TMEM62: variants seen among roughly 807,000 people sequenced by gnomAD.
TMEM62 encodes the protein transmembrane protein 62.
Under a neutral mutation model 70.4 loss-of-function variants are expected in TMEM62, and 41 were observed. That is an observed-to-expected ratio of 0.58 (90% CI 0.45 to 0.76). The LOEUF is 0.76. TMEM62 is among the 30% of genes least tolerant of loss of function. The pLI, the probability that TMEM62 is intolerant of heterozygous loss-of-function variation, is 0.00. For synonymous variants in TMEM62, 268 were observed against 291.0 expected, an observed-to-expected ratio of 0.92 and a Z score of 0.80; for missense variants, 688 against 788.5, an observed-to-expected ratio of 0.87 and a Z score of 1.53.
chr15:43,140,733 C>T (rs771001670), intron 4 of TMEM62, among the ~76,000 whole-genome samples: 6 of 152,136 alleles, frequency 3.9e-5, no homozygotes, highest in African/African-American at 1.2e-4. Flanking sequence ...GAAACTCTGC[C>T]GGAAGAGCTG....
In TMEM62 at chr15:43,156,956, A is replaced by G. The variant is rs563767892; in HGVS notation, c.1182+2125A>G. On this transcript the variant is annotated intron_variant, in intron 9 of 13. Transcript: ENST00000260403. ...ATCTGTTTTCTGTTTTCTTATATGT[A>G]TAACTTTAAACAACCTACTGAGTAT... 2.6e-5 allele frequency among the ~76,000 whole-genome samples: 4 copies of G among 152,232 alleles called. No homozygotes were observed. The South Asian group carries it at 8.3e-4, about 32-fold the overall frequency.
At chr15:43,168,482 T>C (rs2039833529) in intron 10 of TMEM62, among the ~76,000 whole-genome samples, 1 of 152,174 alleles carries the variant, frequency 6.6e-6, no homozygotes, top group Non-Finnish European at 1.5e-5. Context: ...GCAGGTTTTC[T>C]TCTGGCCCAG....
chr15:43,149,891 T>G (rs1340659315), intron 7 of TMEM62, among the ~76,000 whole-genome samples: 1 of 152,250 alleles, frequency 6.6e-6, no homozygotes, highest in Non-Finnish European at 1.5e-5. Context: ...TTGGCTTTTT[T>G]AAGGTTAAAG....
At position 43,151,319 on chromosome 15, in the gene TMEM62, G is replaced by GAAAAAAAAAA. The variant is rs896405823; in HGVS notation, c.867-462_867-453dup. 5.9e-3 allele frequency among the ~76,000 whole-genome samples: 317 copies of GAAAAAAAAAA among 53,322 alleles called. 1 individual carries two copies. Among genetic ancestry groups the GAAAAAAAAAA allele is most frequent in the African/African-American group, 0.017 (293 of 17,494 alleles). 35.0% of individuals were successfully genotyped at this position (53,322 alleles called of 152,430 possible). A position where few individuals can be genotyped will look rare whatever the true frequency, so the allele number is the denominator to read the frequency against. On this transcript the variant is annotated intron_variant, in intron 7 of 13. Coordinates refer to ENST00000260403, the MANE Select transcript of TMEM62 (RefSeq NM_024956.4). Reference sequence around the variant, plus strand: ...GAGTGAGACTCCATCTCAAAAATAAGAAAAAAAAAAAAAAAAAAGAAAGAA... The same window carrying GAAAAAAAAAA: ...GAGTGAGACTCCATCTCAAAAATAAGAAAAAAAAAAAAAAAAAAAAAAAAAAAAGAAAGAA...
At chr15:43,177,244 G>T (rs1244973091) in intron 11 of TMEM62, among the ~76,000 whole-genome samples, 1 of 152,070 alleles carries the variant, frequency 6.6e-6, no homozygotes, top group Non-Finnish European at 1.5e-5. Context: ...AAAAACACAT[G>T]AAAAAATACT....
chr15:43,169,216 T>G (rs1258881891), intron 10 of TMEM62: 1 of 169,570 alleles, frequency 5.9e-6, no homozygotes, highest in Non-Finnish European at 1.3e-5. Context: ...GGGATAGTTG[T>G]TCAATTTGGT....
rs771742082 is a variant in TMEM62 at position 43,146,593 on chromosome 15, G to A, written c.577G>A (p.Gly193Arg). The A allele has an allele frequency of 1.9e-6, 3 of 1,612,846 alleles. No homozygotes were observed. Among genetic ancestry groups the A allele is most frequent in the Non-Finnish European group, 2.5e-6 (3 of 1,179,454 alleles). ...CTGTGTAGATGCCACTGTAAATCCA[G>A]GGCCTAAGAGACCCTATAATTTCTT... ...FICVDATVNP[G>R]PKRPYNFFGI... Residue 193 changes from glycine to arginine, a missense_variant, in exon 5 of 14, where the codon GGG (glycine) becomes AGG (arginine). By Grantham distance (125) the Gly-to-Arg change is moderately radical (BLOSUM62 -2). Coordinates refer to ENST00000260403, the MANE Select transcript of TMEM62 (RefSeq NM_024956.4).
chr15:43,180,490 C>T (rs2142120301), intron 12 of TMEM62, among the ~76,000 whole-genome samples: 1 of 152,212 alleles, frequency 6.6e-6, no homozygotes, highest in South Asian at 2.1e-4. Flanking sequence ...ACTTGACACT[C>T]TTATGGAGAC....
chr15:43,135,095 G>A (rs1254514376), intron 2 of TMEM62, among the ~76,000 whole-genome samples: 1 of 152,204 alleles, frequency 6.6e-6, no homozygotes, highest in Non-Finnish European at 1.5e-5. Flanking sequence ...GCTTCTTGCT[G>A]TAAAAATAAT....
chr15:43,164,451 C>CTTTTTTTTTTTT (rs943352342), intron 10 of TMEM62, among the ~76,000 whole-genome samples: 3 of 134,802 alleles, frequency 2.2e-5, no homozygotes, highest in African/African-American at 2.7e-5. Context: ...TTTTTCTTTT[C>CTTTTTTTTTTTT]TTTTTTTTTT....
At chr15:43,133,241 A>G (rs933458098), upstream of TMEM62, 2 of 152,408 alleles carry the variant, frequency 1.3e-5, no homozygotes, top group Middle Eastern at 3.4e-3. Context: ...GGGAAGAGAA[A>G]GAAAAGAAAA....
chr15:43,173,601 A>G (rs879077672), intron 11 of TMEM62, among the ~76,000 whole-genome samples: 13 of 152,124 alleles, frequency 8.5e-5, no homozygotes, highest in African/African-American at 2.9e-4. Flanking sequence ...TTCTCATAGT[A>G]TTATCCCTAC....
rs1381970073 is a variant in TMEM62, at chr15:43,160,687, G to C, written c.1189G>C (p.Ala397Pro). 6.3e-7 allele frequency: 1 copy of C among 1,590,360 alleles called. No individual in the cohort carries two copies. Among genetic ancestry groups the C allele is most frequent in the African/African-American group, 1.3e-5 (1 of 74,292 alleles). Residue 397 changes from alanine to proline, a missense_variant, in exon 10 of 14, where the codon GCT becomes CCT. Coordinates refer to ENST00000260403, the MANE Select transcript of TMEM62 (RefSeq NM_024956.4). ...HNIEVIVQDS[A>P]GRSKSVHHIF... is the part of the protein sequence containing the mutation. ...CTTCTGTGGTTATTACTAGGATTCTGCTGGAAGAAGTAAGAGTGTTCACCA... is the reference window on the plus strand; with the variant it reads ...CTTCTGTGGTTATTACTAGGATTCTCCTGGAAGAAGTAAGAGTGTTCACCA...
chr15:43,138,399 C>G (rs1289465619), intron 3 of TMEM62, among the ~76,000 whole-genome samples, 175 bp from the exon 4 acceptor site: 1 of 152,050 alleles, frequency 6.6e-6, no homozygotes, highest in African/African-American at 2.4e-5. Flanking sequence ...CAGGATGTGC[C>G]CCTCTCCTAG....
intron 11 of TMEM62, among the ~76,000 whole-genome samples, chr15:43,177,076 A>C (rs2040837311): frequency 6.6e-6 from 1 of 152,102 alleles, no homozygotes; most frequent in African/African-American, 2.4e-5. Context: ...CAACTGGAAG[A>C]AAGGGTATCA....
chr15:43,174,703 G>C (rs2040550492), intron 11 of TMEM62, among the ~76,000 whole-genome samples: 1 of 152,208 alleles, frequency 6.6e-6, no homozygotes, highest in South Asian at 2.1e-4. Context: ...AAGAGATAGA[G>C]GAGAGACTCC....
chr15:43,184,526 A>G lies in TMEM62; in HGVS notation c.1872A>G (p.Thr624=). 1 of 1,613,218 alleles carries G rather than the reference A, an allele frequency of 6.2e-7. No homozygotes were observed. The highest frequency in any genetic ancestry group is 8.5e-7 in the Non-Finnish European group (1 of 1,180,020). The part of the protein sequence containing the change: ...LTPVLIRYVW[T]LNSTKFGIFM... ...CTGTTCTCATTCGTTATGTGTGGAC[A>G]CTGAACTCCACCAAGTTTGGAATCT... Residue 624 remains threonine, a synonymous_variant, in exon 14 of 14, where the codon ACA becomes ACG. Transcript: ENST00000260403.
intron 8 of TMEM62, 88 bp downstream of exon 8, chr15:43,152,033 A>C: frequency 3.0e-6 from 3 of 990,350 alleles, no homozygotes. Flanking sequence ...GAAAGCTATG[A>C]GATGCCCCAT....
At chr15:43,181,996 T>A (rs1019805821) in intron 13 of TMEM62, among the ~76,000 whole-genome samples, 4 of 152,056 alleles carry the variant, frequency 2.6e-5, no homozygotes, top group Admixed American at 1.3e-4. Context: ...AACTAAAAAA[T>A]AGACACATTA....
Sources: gnomAD v4.1 joint callset for allele counts (sites outside exome capture counted in the v4.1 genomes callset) on GRCh38, gnomAD v4.1.1 for gene constraint, MANE v1.5 for transcripts, NCBI Gene and HGNC (gene_info 2026-07-23, HGNC 2026-07-21) for gene names.